Variants in PCSK5 observed in about 807,000 individuals in gnomAD.
The protein encoded by PCSK5 is prohormone convertase 5.
Under a neutral mutation model 233.2 loss-of-function variants are expected in PCSK5, and 129 were observed. The ratio of observed to expected loss-of-function variants is 0.55; its 90% CI spans 0.48 to 0.64. The LOEUF (loss-of-function observed/expected upper bound fraction) is 0.64. Among genes scored for constraint, PCSK5 ranks in the 30% least tolerant of loss-of-function variants. The probability of loss-of-function intolerance (pLI) is 0.00; values close to 1 mark genes in which losing one functional copy is unlikely to be tolerated. For synonymous variants in PCSK5, 825 were observed against 879.2 expected (o/e 0.94, Z 1.09); for missense variants, 2,076 against 2,430.1 (o/e 0.85, Z 3.06).
chr9:76,348,498 C>T (rs1350469133), intron 35 of PCSK5, among the ~76,000 whole-genome samples: 1 of 152,042 alleles, frequency 6.6e-6, no homozygotes, highest in East Asian at 1.9e-4. Context: ...AGGAGGATCA[C>T]CTGAGCCCAG....
At chr9:75,905,727 T>C (rs1826238525) in intron 1 of PCSK5, among the ~76,000 whole-genome samples, 1 of 152,106 alleles carries the variant, frequency 6.6e-6, no homozygotes, top group African/African-American at 2.4e-5. Context: ...GGTAGACTCT[T>C]GTAGCAGGGC....
rs573525492 is a variant in PCSK5 at position 76,021,554 on chromosome 9, G to A, written c.412-2184G>A. 3.9e-5 allele frequency among the ~76,000 whole-genome samples: 6 copies of A among 152,168 alleles called. No homozygotes were observed. The East Asian group carries it at 1.2e-3, about 29-fold the overall frequency. Reference sequence around the variant, plus strand: ...GGCCTCAGGTGCCAGAAAGAAGTCAGGAAGATGGGGGAAAGATACAAATGT... The same window carrying A: ...GGCCTCAGGTGCCAGAAAGAAGTCAAGAAGATGGGGGAAAGATACAAATGT... On this transcript the variant is annotated intron_variant, in intron 3 of 37. Transcript: ENST00000674117.
At chr9:75,981,018 T>C (rs1054053477) in intron 2 of PCSK5, among the ~76,000 whole-genome samples, 12 of 152,230 alleles carry the variant, frequency 7.9e-5, no homozygotes, top group African/African-American at 2.7e-4. Flanking sequence ...TTTCCCTGAA[T>C]TGGTCGAAGC....
At chr9:76,266,915 A>AG (rs11454024) in intron 24 of PCSK5, among the ~76,000 whole-genome samples, 149,328 of 152,302 alleles carry the variant, frequency 0.98, 73,227 homozygotes, top group Middle Eastern at 1. Flanking sequence ...GGAGCACAAA[A>AG]CTGTAAACCT....
At chr9:76,232,370 T>C (rs1250438457) in intron 21 of PCSK5, among the ~76,000 whole-genome samples, 1 of 152,182 alleles carries the variant, frequency 6.6e-6, no homozygotes, top group African/African-American at 2.4e-5. Flanking sequence ...ATTGATACAA[T>C]AACTTATTCT....
At chr9:76,006,984 T>C (rs1461429527) in intron 3 of PCSK5, among the ~76,000 whole-genome samples, 1 of 152,134 alleles carries the variant, frequency 6.6e-6, no homozygotes, top group Non-Finnish European at 1.5e-5. Context: ...TTTTCTTTAT[T>C]AGTTACTTTT....
chr9:75,966,863 C>T (rs560970424), intron 2 of PCSK5, among the ~76,000 whole-genome samples: 1 of 152,284 alleles, frequency 6.6e-6, no homozygotes, highest in African/African-American at 2.4e-5. Context: ...CATCCTATTT[C>T]TACCACAGTG....
intron 10 of PCSK5, among the ~76,000 whole-genome samples, chr9:76,151,941 C>A (rs1239687709): frequency 1.3e-5 from 2 of 152,058 alleles, no homozygotes; most frequent in Non-Finnish European, 2.9e-5. Context: ...TGCTTTACAA[C>A]CTGAGTGATA....
chr9:75,961,861 A>G (rs1346283091), intron 2 of PCSK5, among the ~76,000 whole-genome samples: 1 of 152,232 alleles, frequency 6.6e-6, no homozygotes, highest in South Asian at 2.1e-4. Flanking sequence ...TGCATCTTCA[A>G]TGTGGACACT....
At chr9:75,989,820 C>A (rs766147513) in intron 3 of PCSK5, among the ~76,000 whole-genome samples, 3 of 152,106 alleles carry the variant, frequency 2.0e-5, no homozygotes, top group Non-Finnish European at 4.4e-5. Flanking sequence ...ACCCTTATTT[C>A]TGTAGTTTTC....
At chr9:76,239,331 C>T (rs1826355288) in intron 23 of PCSK5, among the ~76,000 whole-genome samples, 166 bp downstream of exon 23, 1 of 152,154 alleles carries the variant, frequency 6.6e-6, no homozygotes, top group South Asian at 2.1e-4. Context: ...TTCTCTCTCC[C>T]TCTCTGTTCA....
chr9:76,189,163 G>C lies in PCSK5; in HGVS notation c.2450G>C (p.Ser817Thr). Reference protein sequence around the residue: ...YFMEDGRCVQSCSISYYFDHS... With the variant: ...YFMEDGRCVQTCSISYYFDHS... ...ATGGAGGATGGGAGATGCGTGCAGAGCTGTAGTATCAGCTATTACTTTGAC... is the reference window on the plus strand; with the variant it reads ...ATGGAGGATGGGAGATGCGTGCAGACCTGTAGTATCAGCTATTACTTTGAC... The change falls in exon 19 of 38, where the codon AGC (serine) becomes ACC (threonine). Residue 817 changes from serine to threonine, a missense_variant. By Grantham distance (58) the Ser-to-Thr change is moderately conservative. Around this residue, in one of 6 missense-constraint regions of PCSK5, gnomAD observed 1,510 missense variants for 1,538.1 expected, o/e 0.98. Coordinates refer to ENST00000674117, the MANE Select transcript of PCSK5 (RefSeq NM_001372043.1). The C allele has an allele frequency of 6.2e-7, 1 of 1,612,848 alleles. No homozygotes were observed.
At chr9:75,897,783 G>C (rs753039479) in intron 1 of PCSK5, among the ~76,000 whole-genome samples, 1 of 152,042 alleles carries the variant, frequency 6.6e-6, no homozygotes, top group Non-Finnish European at 1.5e-5. Context: ...CCACTGGGAC[G>C]AGGCAAGATT....
At position 76,362,521 on chromosome 9, in the gene PCSK5, A is replaced by C. The variant is rs1830445701; in HGVS notation, c.*3599A>C. On this transcript the variant is annotated 3_prime_UTR_variant, in exon 38 of 38. Coordinates refer to ENST00000674117, the MANE Select transcript of PCSK5 (RefSeq NM_001372043.1). ...AATTTTCTCTCCTAAAAATCAGCTC[A>C]ATCTGTCTTTCTGCCTCATCAGCAC... Among the ~76,000 whole-genome samples, 1 of 152,194 alleles carries C rather than the reference A, an allele frequency of 6.6e-6. No homozygotes were observed. Among genetic ancestry groups the C allele is most frequent in the East Asian group, 1.9e-4 (1 of 5,194 alleles).
chr9:76,115,574 G>T (rs1278196101), intron 9 of PCSK5, among the ~76,000 whole-genome samples: 1 of 152,014 alleles, frequency 6.6e-6, no homozygotes, highest in Non-Finnish European at 1.5e-5. Context: ...CTCAATGCCA[G>T]GGAATTTTTG....
At chr9:76,293,909 C>T (rs1458548628) in intron 25 of PCSK5, among the ~76,000 whole-genome samples, 2 of 152,172 alleles carry the variant, frequency 1.3e-5, no homozygotes, top group African/African-American at 4.8e-5. Flanking sequence ...TTACAATAGA[C>T]ATTGTTGCTG....
At chr9:75,894,095 T>C (rs1255657090) in intron 1 of PCSK5, among the ~76,000 whole-genome samples, 1 of 152,320 alleles carries the variant, frequency 6.6e-6, no homozygotes, top group East Asian at 1.9e-4. Flanking sequence ...AATGTTCTGT[T>C]TTTTACCCAT....
chr9:75,917,164 G>A (rs543292779), intron 1 of PCSK5, among the ~76,000 whole-genome samples: 4 of 114,244 alleles, frequency 3.5e-5, no homozygotes, highest in African/African-American at 1.1e-4. Context: ...GAGAGACTCC[G>A]TCTCAGAAAA....
intron 5 of PCSK5, among the ~76,000 whole-genome samples, chr9:76,049,847 C>T (rs1452939876): frequency 6.6e-6 from 1 of 152,190 alleles, no homozygotes; most frequent in Non-Finnish European, 1.5e-5. Context: ...CTCCATCACT[C>T]AATCATTAAC....
Sources: allele counts gnomAD v4.1 joint callset (sites outside exome capture counted in the v4.1 genomes callset), GRCh38; gene constraint gnomAD v4.1.1; regional missense constraint gnomAD v4.1.1; transcripts MANE v1.5; gene names NCBI Gene and HGNC (gene_info 2026-07-23, HGNC 2026-07-21).